The following PFKL variants were observed in gnomAD, a reference collection of about 807,000 sequenced individuals.
PFKL encodes ATP-dependent 6-phosphofructokinase, liver type.
PFKL carries 74 observed loss-of-function variants against 92.1 expected under a neutral mutation model. The ratio of observed to expected loss-of-function variants is 0.80; its 90% CI spans 0.67 to 0.97. The LOEUF is 0.97. Among genes scored for constraint, PFKL ranks in the 50% least tolerant of loss-of-function variants. The pLI, the probability that PFKL is intolerant of heterozygous loss-of-function variation, is 0.00. For missense variants in PFKL, 1,028 were observed against 1,116.6 expected, an observed-to-expected ratio of 0.92 and a Z score of 1.13; for synonymous variants, 494 against 456.4, an observed-to-expected ratio of 1.08 and a Z score of -1.05.
chr21:44,306,714 T>C lies in PFKL; in HGVS notation c.119T>C (p.Met40Thr). ...GCTGCTGTCCGGGCTGTGACGCGCA[T>C]GGGCATTTATGTGGGTGCCAAAGTC... ...MNAAVRAVTR[M>T]GIYVGAKVFL... The change falls in exon 2 of 22, where the codon ATG (methionine) becomes ACG (threonine). Residue 40 changes from methionine (M) to threonine (T), a missense_variant. Physicochemically the swap from Met to Thr is moderately conservative, Grantham distance 81. Transcript: ENST00000349048. The C allele has an allele frequency of 6.2e-7, 1 of 1,613,944 alleles. No homozygotes were observed. The highest frequency in any genetic ancestry group is 8.5e-7 in the Non-Finnish European group (1 of 1,179,958).
intron 3 of PFKL, among the ~76,000 whole-genome samples, 153 bp downstream of exon 3, chr21:44,311,236 A>C (rs1227258766): frequency 6.6e-6 from 1 of 151,844 alleles, no homozygotes; most frequent in Non-Finnish European, 1.5e-5. Context: ...GCACACACAC[A>C]CAGATGTGCA....
Position 44,314,154 on chromosome 21 carries a change from G to A in PFKL, c.747+133G>A, listed in dbSNP as rs1602023273. The A allele has an allele frequency of 7.4e-6, 5 of 673,066 alleles. No individual in the cohort carries two copies. The East Asian group carries it at 1.4e-4, about 18-fold the overall frequency. The allele number at this position is 673,066 out of a possible 1,614,324, so 41.7% of individuals were successfully genotyped here. On this transcript the variant is annotated intron_variant, in intron 7 of 21. Coordinates refer to ENST00000349048, the MANE Select transcript of PFKL (RefSeq NM_002626.6). Reference sequence around the variant, plus strand: ...CATCAGCAGCTGCAGGTGCCCCTTGGGGGCGGGACACGCAAGGAGTGGGGG... The same window carrying A: ...CATCAGCAGCTGCAGGTGCCCCTTGAGGGCGGGACACGCAAGGAGTGGGGG...
Position 44,318,523 on chromosome 21 carries a change from C to G in PFKL, c.990C>G (p.Asp330Glu), listed in dbSNP as rs2047270397. 1 of 1,578,066 alleles carries G rather than the reference C, an allele frequency of 6.3e-7. No homozygotes were observed. Among genetic ancestry groups the G allele is most frequent in the African/African-American group, 1.4e-5 (1 of 73,630 alleles). Residue 330 changes from aspartate to glutamate, a missense_variant, in exon 10 of 22, where the codon GAC (aspartate) becomes GAG (glutamate). By Grantham distance (45) the Asp-to-Glu change is conservative. Transcript: ENST00000349048. ...TGGCGCTGCTGGAAGCCACGCCTGACACGCCGGCCTGCGTGGTCACCCTCT... is the reference window on the plus strand; with the variant it reads ...TGGCGCTGCTGGAAGCCACGCCTGAGACGCCGGCCTGCGTGGTCACCCTCT... ...AVMALLEATP[D>E]TPACVVTLSG...
chr21:44,322,248 G>A (rs769879852), intron 14 of PFKL, 45 bp downstream of exon 14: 42 of 1,546,882 alleles, frequency 2.7e-5, no homozygotes, highest in Non-Finnish European at 3.3e-5. Context: ...GGGCCAGGGC[G>A]CAGTATCCAG....
intron 3 of PFKL, among the ~76,000 whole-genome samples, chr21:44,311,865 T>C (rs2047056767): frequency 6.6e-6 from 1 of 152,176 alleles, no homozygotes; most frequent in Non-Finnish European, 1.5e-5. Context: ...TTCCACTCTA[T>C]TACCTTGGGG....
At position 44,324,487 on chromosome 21, in the gene PFKL, C is replaced by T. The variant is rs538918789; in HGVS notation, c.1651-4C>T. On this transcript the variant is annotated splice_region_variant and splice_polypyrimidine_tract_variant and intron_variant, in intron 16 of 21. Transcript: ENST00000349048. The stretch of plus-strand genomic sequence containing the variant: ...AGGACCCCCGACCCCCCCTTGTCCC[C>T]CAGAGCTGTGACCGCATCAAACAGT... 79 of 1,613,092 alleles carry T rather than the reference C, an allele frequency of 4.9e-5. No individual in the cohort carries two copies. The highest frequency in any genetic ancestry group is 9.3e-5 in the African/African-American group (7 of 75,010).
chr21:44,322,603 A>G (rs2047385055), intron 14 of PFKL, among the ~76,000 whole-genome samples: 1 of 152,150 alleles, frequency 6.6e-6, no homozygotes, highest in African/African-American at 2.4e-5. Flanking sequence ...CTACAGGGGA[A>G]GTTGCTGAGT....
chr21:44,305,721 G>A, intron 1 of PFKL: 1 of 1,271,638 alleles, frequency 7.9e-7, no homozygotes, highest in Non-Finnish European at 1.0e-6. Context: ...TGAGATGGGG[G>A]CTCTCGGGAA....
intron 1 of PFKL, among the ~76,000 whole-genome samples, chr21:44,301,903 CAG>C (rs1291861100): frequency 6.6e-6 from 1 of 151,976 alleles, no homozygotes; most frequent in Non-Finnish European, 1.5e-5. Context: ...ACAGACTAAA[CAG>C]AGAAGGGGGG....
At chr21:44,325,382 G>T in intron 19 of PFKL, 118 bp downstream of exon 19, 1 of 691,278 alleles carries the variant, frequency 1.4e-6, no homozygotes, top group Non-Finnish European at 2.6e-6. Flanking sequence ...CAGGCCCTCG[G>T]GCACGTGTGC....
At chr21:44,324,766 C>T in intron 17 of PFKL, 90 bp from the exon 18 acceptor site, 3 of 1,572,228 alleles carry the variant, frequency 1.9e-6, no homozygotes, top group South Asian at 2.3e-5. Context: ...GGACGCGTAG[C>T]CCAGTGCTCC....
chr21:44,308,558 AAT>A (rs1568946243), intron 2 of PFKL, among the ~76,000 whole-genome samples: 1 of 137,606 alleles, frequency 7.3e-6, no homozygotes, highest in Non-Finnish European at 1.5e-5. Context: ...GGGGGGTAGG[AAT>A]TTTTTTTTTT....
chr21:44,324,118 G>A (rs921075947), intron 16 of PFKL, among the ~76,000 whole-genome samples, 200 bp downstream of exon 16: 2 of 152,160 alleles, frequency 1.3e-5, no homozygotes, highest in Non-Finnish European at 2.9e-5. Context: ...GCCCTGCGTT[G>A]TTCCTCGCTA....
Position 44,320,090 on chromosome 21 carries a change from C to T in PFKL, c.1134C>T (p.Phe378=), listed in dbSNP as rs147707857. 7.4e-5 allele frequency: 119 copies of T among 1,613,446 alleles called. No individual in the cohort carries two copies. In the South Asian group the frequency reaches 8.7e-4, roughly 12 times the overall value. ...DEATQLRGGS[F]ENNWNIYKLL... The stretch of plus-strand genomic sequence containing the variant: ...TGACCCGAATCCCTTCCAGGAGCTT[C>T]GAGAACAACTGGAACATTTACAAGC... The change falls in exon 12 of 22, where the codon TTC becomes TTT. Residue 378 remains phenylalanine (F), a synonymous_variant. Transcript: ENST00000349048.
At chr21:44,315,254 T>G (rs1366361772) in intron 7 of PFKL, 1 of 152,278 alleles carries the variant, frequency 6.6e-6, no homozygotes, top group Non-Finnish European at 1.5e-5. Flanking sequence ...GTGGCCTGGA[T>G]GCAAGGTCGG....
chr21:44,322,836 C>A (rs116479253), intron 14 of PFKL, 126 bp from the exon 15 acceptor site: 7,559 of 608,666 alleles, frequency 0.012, 269 homozygotes, highest in African/African-American at 0.089. Flanking sequence ...CGCCACATCC[C>A]GGGCATTGCA....
chr21:44,321,943 T>A, intron 13 of PFKL, 68 bp downstream of exon 13: 1 of 1,504,664 alleles, frequency 6.6e-7, no homozygotes, highest in South Asian at 1.3e-5. Flanking sequence ...GCATTTCCTG[T>A]GGAAGGCCGG....
rs776255790 is a variant in PFKL, at chr21:44,325,942, G to A, written c.1990-19G>A. 1.6e-5 allele frequency: 25 copies of A among 1,596,946 alleles called. No individual in the cohort carries two copies. The highest frequency in any genetic ancestry group is 2.2e-5 in the East Asian group (1 of 44,670). On this transcript the variant is annotated intron_variant, in intron 19 of 21. Transcript: ENST00000349048. ...GCAGCCCAGGGGAGTCCAGGGAACCGGGCCTCACCTGTTTCCAGGGTGGCG... is the reference window on the plus strand; with the variant it reads ...GCAGCCCAGGGGAGTCCAGGGAACCAGGCCTCACCTGTTTCCAGGGTGGCG...
intron 7 of PFKL, chr21:44,314,408 G>A (rs957168453): frequency 2.3e-5 from 5 of 217,172 alleles, no homozygotes; most frequent in African/African-American, 9.3e-5. Context: ...TGGGGGTGGC[G>A]AGGCCAGGAG....
Sources: allele counts gnomAD v4.1 joint callset (sites outside exome capture counted in the v4.1 genomes callset), GRCh38; gene constraint gnomAD v4.1.1; transcripts MANE v1.5; gene names NCBI Gene and HGNC (gene_info 2026-07-23, HGNC 2026-07-21).